The following BRD8 variants were observed in gnomAD, a reference collection of about 807,000 sequenced individuals.
BRD8 encodes bromodomain-containing protein 8.
BRD8 carries 67 observed loss-of-function variants against 143.1 expected under a neutral mutation model. The observed-to-expected ratio is 0.47, with a 90% CI of 0.38 to 0.57. BRD8 has a LOEUF of 0.57. Among genes scored for constraint, BRD8 ranks in the 20% least tolerant of loss-of-function variants. The pLI is 0.00. For missense variants in BRD8, 1,103 were observed against 1,503.0 expected, an observed-to-expected ratio of 0.73 and a Z score of 4.40; for synonymous variants, 505 against 517.1, an observed-to-expected ratio of 0.98 and a Z score of 0.32.
In BRD8 at chr5:138,140,686, A is replaced by G. The variant is rs1751868236; in HGVS notation, c.3615+19T>C. 1 of 1,609,734 alleles carries G rather than the reference A, an allele frequency of 6.2e-7. No homozygotes were observed. Among genetic ancestry groups the G allele is most frequent in the Admixed American group, 1.7e-5 (1 of 60,002 alleles). ...CTGAAATCAAGATTCCAGAGGCTAC[A>G]GGTATCTGCATACAGTACCTGAATC... On this transcript the variant is annotated intron_variant, in intron 26 of 26. Coordinates refer to ENST00000254900, the MANE Select transcript of BRD8 (RefSeq NM_139199.2).
intron 7 of BRD8, among the ~76,000 whole-genome samples, chr5:138,169,901 G>C (rs1038805513): frequency 6.6e-6 from 1 of 152,244 alleles, no homozygotes; most frequent in Non-Finnish European, 1.5e-5. Context: ...GGAGGTTGCA[G>C]TGACCCAAGA....
At position 138,170,922 on chromosome 5, in the gene BRD8, G is replaced by T. The variant is rs1472888607; in HGVS notation, c.360-10C>A. On this transcript the variant is annotated splice_polypyrimidine_tract_variant and intron_variant, in intron 5 of 26. Transcript: ENST00000254900. ...ATCTCTCTTTAGCCGTCTATAGGAAGAAAGAGAGGTAGGTAGACTGGGTTT... is the reference window on the plus strand; with the variant it reads ...ATCTCTCTTTAGCCGTCTATAGGAATAAAGAGAGGTAGGTAGACTGGGTTT... 2.5e-6 allele frequency: 4 copies of T among 1,613,628 alleles called. No homozygotes were observed. Among genetic ancestry groups the T allele is most frequent in the Non-Finnish European group, 3.4e-6 (4 of 1,179,644 alleles).
intron 8 of BRD8, 74 bp downstream of exon 8, chr5:138,169,148 G>A: frequency 6.5e-7 from 1 of 1,527,566 alleles, no homozygotes; most frequent in Non-Finnish European, 8.8e-7. Flanking sequence ...GCCAAAAGTG[G>A]TTTCCTCATC....
At position 138,177,679 on chromosome 5, in the gene BRD8, A is replaced by G; in HGVS notation, c.20-12T>C. On this transcript the variant is annotated splice_polypyrimidine_tract_variant and intron_variant, in intron 1 of 26. Coordinates refer to ENST00000254900, the MANE Select transcript of BRD8 (RefSeq NM_139199.2). ...TAGCAGCTTGTGTTCTGGGAAAGGGAGAAAAAAAAAAAAGCCTTGGAAACA... is the reference window on the plus strand; with the variant it reads ...TAGCAGCTTGTGTTCTGGGAAAGGGGGAAAAAAAAAAAAGCCTTGGAAACA... The G allele has an allele frequency of 6.9e-7, 1 of 1,440,370 alleles. No homozygotes were observed. The allele number at this position is 1,440,370 out of a possible 1,614,324, so 89.2% of individuals were successfully genotyped here.
In BRD8 at chr5:138,163,229, G is replaced by A; in HGVS notation, c.1988C>T (p.Pro663Leu). ...GAAGCCATCATCACTCTCGCTCACAGGAGGTTCATTATCCATTTCTGACAA... is the reference window on the plus strand; with the variant it reads ...GAAGCCATCATCACTCTCGCTCACAAGAGGTTCATTATCCATTTCTGACAA... ...GYLSEMDNEP[P>L]VSESDDGFSI... Residue 663 changes from proline to leucine, a missense_variant, in exon 15 of 27, where the codon CCT becomes CTT. Coordinates refer to ENST00000254900, the MANE Select transcript of BRD8 (RefSeq NM_139199.2). The A allele has an allele frequency of 1.9e-6, 3 of 1,614,078 alleles. No homozygotes were observed. Among genetic ancestry groups the A allele is most frequent in the Non-Finnish European group, 2.5e-6 (3 of 1,180,024 alleles).
At chr5:138,149,317 C>T (rs1008750270) in intron 23 of BRD8, among the ~76,000 whole-genome samples, 5 of 151,856 alleles carry the variant, frequency 3.3e-5, no homozygotes, top group African/African-American at 1.2e-4. Context: ...CATGGTCTCC[C>T]TATGTTGCCC....
chr5:138,163,416 G>A (rs989051914), intron 14 of BRD8, 72 bp from the exon 15 acceptor site: 7 of 1,548,508 alleles, frequency 4.5e-6, no homozygotes, highest in African/African-American at 2.7e-5. Flanking sequence ...AACATGATCT[G>A]TCTTTTGGGT....
intron 25 of BRD8, among the ~76,000 whole-genome samples, chr5:138,144,450 G>A (rs764205504): frequency 6.6e-6 from 1 of 152,150 alleles, no homozygotes; most frequent in African/African-American, 2.4e-5. Context: ...AACCAATTCC[G>A]GACACAATAC....
At chr5:138,172,796 G>A (rs1233843282) in intron 2 of BRD8, 2 of 427,270 alleles carry the variant, frequency 4.7e-6, no homozygotes, top group Non-Finnish European at 4.6e-6. Flanking sequence ...AGAGGCTGCA[G>A]TGAGCCCAAA....
intron 4 of BRD8, 84 bp from the exon 5 acceptor site, chr5:138,171,244 T>C (rs2151214618): frequency 7.0e-7 from 1 of 1,435,652 alleles, no homozygotes; most frequent in Non-Finnish European, 9.7e-7. Flanking sequence ...CACTTAATCA[T>C]AGATAACTTC....
chr5:138,167,753 G>A (rs1481659264), intron 9 of BRD8, 181 bp downstream of exon 9: 2 of 590,918 alleles, frequency 3.4e-6, no homozygotes, highest in Non-Finnish European at 3.0e-6. Context: ...CTATCTTGAA[G>A]ATAGATGGCT....
At chr5:138,152,412 C>T in intron 21 of BRD8, 70 bp downstream of exon 21, 2 of 1,564,938 alleles carry the variant, frequency 1.3e-6, no homozygotes, top group Admixed American at 3.6e-5. Context: ...GTGGTAGAAG[C>T]ATGTAAGGAT....
At chr5:138,168,613 C>T in intron 8 of BRD8, 1 of 1,605,926 alleles carries the variant, frequency 6.2e-7, no homozygotes, top group African/African-American at 1.3e-5. Context: ...TCTAAGGGTG[C>T]AGAGCCTGGA....
At chr5:138,163,959 C>T (rs1316275841) in intron 14 of BRD8, 128 bp downstream of exon 14, 2 of 1,134,396 alleles carry the variant, frequency 1.8e-6, no homozygotes, top group Non-Finnish European at 2.6e-6. Context: ...TGCAGCTTTT[C>T]CCCATGCAAC....
chr5:138,150,814 T>C lies in BRD8; in HGVS notation c.3051A>G (p.Gly1017=). 2.5e-6 allele frequency: 4 copies of C among 1,614,238 alleles called. No homozygotes were observed. The highest frequency in any genetic ancestry group is 3.4e-6 in the Non-Finnish European group (4 of 1,180,038). The change falls in exon 22 of 27, where the codon GGA becomes GGG. Residue 1017 remains glycine (G), a synonymous_variant. Transcript: ENST00000254900. ...AGGGAGCTGAAGCCACCTCTGGCTT[T>C]CCATTTTCTCCCAGTGGCTTTTCAG... ...LVAEKPLGEN[G]KPEVASAPSV...
In BRD8 at chr5:138,149,519, T is replaced by C. The variant is rs1319086355; in HGVS notation, c.3278+121A>G. On this transcript the variant is annotated intron_variant, in intron 23 of 26. Coordinates refer to ENST00000254900, the MANE Select transcript of BRD8 (RefSeq NM_139199.2). ...TGTTAAAATTATACTTAATTAATTATATTTTTTGTGTTTTCCAACTCTAAT... is the reference window on the plus strand; with the variant it reads ...TGTTAAAATTATACTTAATTAATTACATTTTTTGTGTTTTCCAACTCTAAT... 5.0e-6 allele frequency: 4 copies of C among 798,812 alleles called. No individual in the cohort carries two copies. Among genetic ancestry groups the C allele is most frequent in the East Asian group, 5.9e-5 (2 of 33,834 alleles). 49.5% of individuals were successfully genotyped at this position (798,812 alleles called of 1,614,324 possible). A position where few individuals can be genotyped will look rare whatever the true frequency, so the allele number is the denominator to read the frequency against.
At position 138,159,573 on chromosome 5, in the gene BRD8, G is replaced by A. The variant is rs1385047553; in HGVS notation, c.2559C>T (p.Ala853=). 1 of 1,614,080 alleles carries A rather than the reference G, an allele frequency of 6.2e-7. No individual in the cohort carries two copies. The part of the protein sequence containing the change: ...EKDSVPMGSP[A]FLLSLFMGHE... ...TACTTACAAAGAGAGAGAGAAGGAA[G>A]GCAGGAGAGCCCATTGGGACACTGT... Residue 853 remains alanine, a synonymous_variant, in exon 20 of 27, where the codon GCC becomes GCT. Coordinates refer to ENST00000254900, the MANE Select transcript of BRD8 (RefSeq NM_139199.2).
At chr5:138,158,932 C>A (rs1752796665) in intron 20 of BRD8, among the ~76,000 whole-genome samples, 1 of 151,778 alleles carries the variant, frequency 6.6e-6, no homozygotes, top group South Asian at 2.1e-4. Context: ...CGCTGCACAG[C>A]TAGTAGGGTT....
At chr5:138,172,340 T>C (rs1248639975) in intron 2 of BRD8, among the ~76,000 whole-genome samples, 1 of 150,502 alleles carries the variant, frequency 6.6e-6, no homozygotes, top group African/African-American at 2.4e-5. Flanking sequence ...CTGGCCAACA[T>C]GGTGAAACCC....
Sources: gnomAD v4.1 joint callset for allele counts (sites outside exome capture counted in the v4.1 genomes callset) on GRCh38, gnomAD v4.1.1 for gene constraint, MANE v1.5 for transcripts, NCBI Gene and HGNC (gene_info 2026-07-23, HGNC 2026-07-21) for gene names.